BACE2: variants seen among roughly 807,000 people sequenced by gnomAD.
The protein encoded by BACE2 is 56 kDa aspartic-like protease.
BACE2 carries 17 observed loss-of-function variants against 46.2 expected under a neutral mutation model. That is an observed-to-expected ratio of 0.37 (90% CI 0.25 to 0.55). BACE2 has a LOEUF of 0.55. BACE2 is among the 20% of genes least tolerant of loss of function. The pLI, the probability that BACE2 is intolerant of heterozygous loss-of-function variation, is 0.82. For synonymous variants in BACE2, 277 were observed against 295.9 expected (o/e 0.94, Z 0.66); for missense variants, 595 against 698.1 (o/e 0.85, Z 1.66).
At chr21:41,251,033 C>A in intron 7 of BACE2, 132 bp downstream of exon 7, 1 of 951,158 alleles carries the variant, frequency 1.1e-6, no homozygotes, top group Non-Finnish European at 1.6e-6. Context: ...AAGACAGCCA[C>A]ACATATTACT....
At chr21:41,212,278 T>C (rs1449495326) in intron 1 of BACE2, among the ~76,000 whole-genome samples, 2 of 152,184 alleles carry the variant, frequency 1.3e-5, no homozygotes, top group Non-Finnish European at 2.9e-5. Flanking sequence ...GAGCGAGCGC[T>C]CTCACGTACT....
At chr21:41,174,234 C>A (rs2123484877) in intron 1 of BACE2, among the ~76,000 whole-genome samples, 1 of 150,038 alleles carries the variant, frequency 6.7e-6, no homozygotes, top group Middle Eastern at 3.4e-3. Flanking sequence ...CCTCCACCTC[C>A]CAGGTTCAAG....
chr21:41,242,074 T>A, intron 4 of BACE2, 127 bp downstream of exon 4: 1 of 1,259,212 alleles, frequency 7.9e-7, no homozygotes, highest in South Asian at 1.5e-5. Flanking sequence ...AAAACTTTCA[T>A]CCTCCTTGTA....
At position 41,226,286 on chromosome 21, in the gene BACE2, T is replaced by C; in HGVS notation, c.333T>C (p.Thr111=). 1 of 1,614,030 alleles carries C rather than the reference T, an allele frequency of 6.2e-7. No individual in the cohort carries two copies. The change falls in exon 2 of 9, where the codon ACT becomes ACC. Residue 111 remains threonine, a synonymous_variant. Transcript: ENST00000330333. The part of the protein sequence containing the change: ...PPQKLQILVD[T]GSSNFAVAGT... ...AAAAGCTACAGATTCTCGTTGACACTGGAAGCAGTAACTTTGCCGTGGCAG... is the reference window on the plus strand; with the variant it reads ...AAAAGCTACAGATTCTCGTTGACACCGGAAGCAGTAACTTTGCCGTGGCAG...
At chr21:41,226,489 C>T in intron 2 of BACE2, 135 bp downstream of exon 2, 1 of 722,012 alleles carries the variant, frequency 1.4e-6, no homozygotes, top group Non-Finnish European at 2.4e-6. Context: ...TGTATGTATA[C>T]ACACATGTGG....
chr21:41,276,119 A>AGCCTGGG lies in BACE2; in HGVS notation c.*504_*510dup, dbSNP rs1195400049. ...CTTGCAGTATGATGGCAGGAGAATC[A>AGCCTGGG]GCCTGGGGCCTGGGGATGTAACCAA... On this transcript the variant is annotated 3_prime_UTR_variant, in exon 9 of 9. Transcript: ENST00000330333. 2 of 159,998 alleles carry AGCCTGGG rather than the reference A, an allele frequency of 1.3e-5. No individual in the cohort carries two copies. Among genetic ancestry groups the AGCCTGGG allele is most frequent in the Non-Finnish European group, 2.8e-5 (2 of 72,176 alleles). The allele number at this position is 159,998 out of a possible 1,614,324, so 9.9% of individuals were successfully genotyped here.
chr21:41,255,785 A>T (rs1219674811), intron 7 of BACE2, among the ~76,000 whole-genome samples: 1 of 152,124 alleles, frequency 6.6e-6, no homozygotes, highest in Admixed American at 6.5e-5. Context: ...GGGCCTGGGG[A>T]GTCCGCTCTA....
chr21:41,182,016 C>T (rs1410837492), intron 1 of BACE2: 4 of 167,038 alleles, frequency 2.4e-5, no homozygotes, highest in African/African-American at 9.7e-5. Flanking sequence ...CTTAGAGTAG[C>T]TTCTATACCC....
chr21:41,229,374 T>C (rs1332477682), intron 2 of BACE2, among the ~76,000 whole-genome samples: 1 of 152,214 alleles, frequency 6.6e-6, no homozygotes, highest in African/African-American at 2.4e-5. Flanking sequence ...TAAAGCACAG[T>C]AAAGTCAAGG....
intron 1 of BACE2, chr21:41,182,381 T>C (rs1384372140): frequency 6.0e-6 from 1 of 167,084 alleles, no homozygotes; most frequent in Non-Finnish European, 1.5e-5. Context: ...ATTCTTGGGG[T>C]ATCCCTGTCT....
chr21:41,197,966 T>C (rs1030334734), intron 1 of BACE2, among the ~76,000 whole-genome samples: 15 of 152,150 alleles, frequency 9.9e-5, no homozygotes, highest in African/African-American at 3.6e-4. Context: ...TATACACACA[T>C]AGAAGTTAAA....
At position 41,250,632 on chromosome 21, in the gene BACE2, C is replaced by A. The variant is rs1243398276; in HGVS notation, c.985-120C>A. The A allele has an allele frequency of 1.6e-5, 14 of 861,868 alleles. No homozygotes were observed. In the East Asian group the frequency reaches 3.2e-4, roughly 20 times the overall value. 53.4% of individuals were successfully genotyped at this position (861,868 alleles called of 1,614,324 possible). Reference sequence around the variant, plus strand: ...GGGACTAATGTCCCTGCTGTTCTGTCCAAATTAAACATTGTTTATCCCTGT... The same window carrying A: ...GGGACTAATGTCCCTGCTGTTCTGTACAAATTAAACATTGTTTATCCCTGT... On this transcript the variant is annotated intron_variant, in intron 6 of 8. Coordinates refer to ENST00000330333, the MANE Select transcript of BACE2 (RefSeq NM_012105.5).
chr21:41,218,401 C>T (rs747462144), intron 1 of BACE2, among the ~76,000 whole-genome samples: 20 of 152,100 alleles, frequency 1.3e-4, no homozygotes, highest in Non-Finnish European at 2.5e-4. Context: ...GATAGGTGCT[C>T]GCAAGCATGA....
chr21:41,232,206 G>A (rs773395529), intron 2 of BACE2, among the ~76,000 whole-genome samples: 43 of 152,168 alleles, frequency 2.8e-4, no homozygotes, highest in African/African-American at 7.9e-4. Flanking sequence ...TATTTCTGTC[G>A]TCACAGGAGG....
At chr21:41,195,280 G>C (rs1985697379) in intron 1 of BACE2, among the ~76,000 whole-genome samples, 1 of 152,230 alleles carries the variant, frequency 6.6e-6, no homozygotes, top group Admixed American at 6.5e-5. Flanking sequence ...CTCTGGGTTA[G>C]ACTGTCAGGT....
intron 1 of BACE2, among the ~76,000 whole-genome samples, chr21:41,171,597 C>T (rs533145414): frequency 6.6e-6 from 1 of 152,344 alleles, no homozygotes; most frequent in South Asian, 2.1e-4. Context: ...TTTCAACCAG[C>T]ACCTGCTTGA....
At chr21:41,206,549 G>A (rs1986131914) in intron 1 of BACE2, among the ~76,000 whole-genome samples, 1 of 152,220 alleles carries the variant, frequency 6.6e-6, no homozygotes, top group Non-Finnish European at 1.5e-5. Flanking sequence ...AAAAGGACAA[G>A]CACTGGATGA....
At chr21:41,205,834 A>C (rs1296704793) in intron 1 of BACE2, among the ~76,000 whole-genome samples, 1 of 152,176 alleles carries the variant, frequency 6.6e-6, no homozygotes, top group Non-Finnish European at 1.5e-5. Context: ...TCATGAATTC[A>C]ATGGGGAACA....
chr21:41,208,741 C>A (rs1378713934), intron 1 of BACE2, among the ~76,000 whole-genome samples: 1 of 152,080 alleles, frequency 6.6e-6, no homozygotes, highest in East Asian at 1.9e-4. Context: ...GCCACCCCAC[C>A]CTGCCCTCTG....
Sources: gnomAD v4.1 joint callset for allele counts (sites outside exome capture counted in the v4.1 genomes callset) on GRCh38, gnomAD v4.1.1 for gene constraint, MANE v1.5 for transcripts, NCBI Gene and HGNC (gene_info 2026-07-23, HGNC 2026-07-21) for gene names.